CATSPERB: variants seen among roughly 807,000 people sequenced by gnomAD.
CATSPERB encodes catsper channel auxiliary subunit beta.
A neutral mutation model predicts 128.3 loss-of-function variants in CATSPERB; 93 were observed. The ratio of observed to expected loss-of-function variants is 0.72; its 90% CI spans 0.61 to 0.86. The LOEUF (loss-of-function observed/expected upper bound fraction) is 0.86, where lower values mean the gene tolerates loss of function less well. Among genes scored for constraint, CATSPERB ranks in the 40% least tolerant of loss-of-function variants. The probability of loss-of-function intolerance (pLI) is 0.00; values close to 1 mark genes in which losing one functional copy is unlikely to be tolerated. For missense variants in CATSPERB, 1,153 were observed against 1,329.5 expected, an observed-to-expected ratio of 0.87 and a Z score of 2.06; for synonymous variants, 381 against 448.8, an observed-to-expected ratio of 0.85 and a Z score of 1.91.
intron 17 of CATSPERB, among the ~76,000 whole-genome samples, chr14:91,627,772 A>C: frequency 6.6e-6 from 1 of 151,920 alleles, no homozygotes; most frequent in Non-Finnish European, 1.5e-5. Context: ...GTTGGAGACC[A>C]GCTTGGATGC....
chr14:91,594,277 T>C (rs746906197), intron 22 of CATSPERB, among the ~76,000 whole-genome samples: 47 of 148,606 alleles, frequency 3.2e-4, no homozygotes, highest in Non-Finnish European at 5.9e-4. Flanking sequence ...AATTGAACAA[T>C]GAGAACACAT....
intron 21 of CATSPERB, among the ~76,000 whole-genome samples, 155 bp from the exon 22 acceptor site, chr14:91,608,559 A>G (rs964824561): frequency 1.9e-4 from 29 of 152,146 alleles, no homozygotes; most frequent in Non-Finnish European, 4.4e-5. Context: ...TCTACCCCTC[A>G]TTTTCTGGAA....
At chr14:91,589,125 C>T (rs140770390) in intron 24 of CATSPERB, among the ~76,000 whole-genome samples, 1,570 of 152,278 alleles carry the variant, frequency 0.01, 7 homozygotes, top group Non-Finnish European at 0.014. Context: ...CTTTAAGAAA[C>T]CTTTAAGAAA....
At chr14:91,620,492 C>T (rs1256620490) in intron 19 of CATSPERB, among the ~76,000 whole-genome samples, 1 of 152,062 alleles carries the variant, frequency 6.6e-6, no homozygotes, top group Non-Finnish European at 1.5e-5. Context: ...TCCCCTACTC[C>T]CTCCCTTCCA....
intron 11 of CATSPERB, among the ~76,000 whole-genome samples, chr14:91,676,389 C>T (rs1895193418): frequency 1.3e-5 from 2 of 152,244 alleles, no homozygotes; most frequent in African/African-American, 4.8e-5. Flanking sequence ...TTTGGGACTC[C>T]AGCTGGTCAC....
chr14:91,600,604 T>C (rs990872153), intron 22 of CATSPERB, among the ~76,000 whole-genome samples: 4 of 152,242 alleles, frequency 2.6e-5, no homozygotes, highest in African/African-American at 7.2e-5. Flanking sequence ...ACACATACTT[T>C]TATGTAAGAG....
intron 10 of CATSPERB, among the ~76,000 whole-genome samples, chr14:91,684,908 C>T (rs563983233): frequency 2.4e-4 from 37 of 152,044 alleles, no homozygotes; most frequent in African/African-American, 7.5e-4. Flanking sequence ...TGAGCCACTG[C>T]GCTGACCGAG....
chr14:91,595,418 C>T (rs752126299), intron 22 of CATSPERB, among the ~76,000 whole-genome samples: 3 of 152,064 alleles, frequency 2.0e-5, no homozygotes, highest in Admixed American at 6.6e-5. Flanking sequence ...CTGCCCATCT[C>T]GGCCTCCCAA....
chr14:91,607,835 T>C (rs547901265), intron 22 of CATSPERB, among the ~76,000 whole-genome samples: 227 of 152,238 alleles, frequency 1.5e-3, no homozygotes, highest in African/African-American at 5.3e-3. Context: ...ACCTAATGGC[T>C]CCTCCCTTGT....
intron 9 of CATSPERB, among the ~76,000 whole-genome samples, chr14:91,692,470 A>T (rs1895489340): frequency 6.6e-6 from 1 of 152,194 alleles, no homozygotes; most frequent in Non-Finnish European, 1.5e-5. Context: ...AACAAATGGT[A>T]CTTTCTCAGA....
At chr14:91,666,559 C>T (rs1484954617) in intron 14 of CATSPERB, among the ~76,000 whole-genome samples, 1 of 152,222 alleles carries the variant, frequency 6.6e-6, no homozygotes, top group Non-Finnish European at 1.5e-5. Flanking sequence ...GACAACCCCA[C>T]AACCAGTGGC....
chr14:91,624,382 G>A (rs1479405713), intron 18 of CATSPERB, among the ~76,000 whole-genome samples: 1 of 152,268 alleles, frequency 6.6e-6, no homozygotes, highest in African/African-American at 2.4e-5. Context: ...TACTCGGGAG[G>A]CTGAGGCAGG....
chr14:91,592,550 A>G (rs1893428330), intron 22 of CATSPERB: 2 of 154,364 alleles, frequency 1.3e-5, no homozygotes, highest in Admixed American at 1.3e-4. Flanking sequence ...TGTGTTGCCC[A>G]GGCTTTAGTG....
intron 2 of CATSPERB, among the ~76,000 whole-genome samples, chr14:91,727,280 GA>G (rs1211597282): frequency 5.9e-5 from 9 of 152,144 alleles, no homozygotes; most frequent in Non-Finnish European, 1.3e-4. Context: ...ATATTCCCCA[GA>G]GTTTATTGTT....
intron 20 of CATSPERB, among the ~76,000 whole-genome samples, chr14:91,616,688 G>A (rs963277048): frequency 6.8e-6 from 1 of 146,430 alleles, no homozygotes; most frequent in Non-Finnish European, 1.5e-5. Flanking sequence ...TAAATAATAA[G>A]CCTTTATTTC....
chr14:91,687,601 A>G (rs1250739531), intron 10 of CATSPERB, among the ~76,000 whole-genome samples: 2 of 152,154 alleles, frequency 1.3e-5, no homozygotes, highest in Non-Finnish European at 2.9e-5. Flanking sequence ...TGTATAAGCC[A>G]CCCAGTCTAT....
chr14:91,669,326 G>A (rs1464309676), intron 14 of CATSPERB, among the ~76,000 whole-genome samples: 1 of 57,666 alleles, frequency 1.7e-5, no homozygotes, highest in African/African-American at 7.0e-5. Flanking sequence ...TCCATAGATG[G>A]TATAACTACT....
intron 26 of CATSPERB, among the ~76,000 whole-genome samples, chr14:91,584,524 G>A (rs752984818): frequency 2.0e-5 from 3 of 152,072 alleles, no homozygotes; most frequent in Admixed American, 6.5e-5. Context: ...AAGCTTCAAG[G>A]TTCCTGCTGT....
chr14:91,602,057 T>C (rs1893615794), intron 22 of CATSPERB, among the ~76,000 whole-genome samples: 1 of 152,184 alleles, frequency 6.6e-6, no homozygotes, highest in Non-Finnish European at 1.5e-5. Flanking sequence ...ATGTCAAAGT[T>C]ATTACAGTGG....
Sources: allele counts gnomAD v4.1 joint callset (sites outside exome capture counted in the v4.1 genomes callset), GRCh38; gene constraint gnomAD v4.1.1; transcripts MANE v1.5; gene names NCBI Gene and HGNC (gene_info 2026-07-23, HGNC 2026-07-21).